Variants in L3MBTL4 observed in about 807,000 individuals in gnomAD.
The protein encoded by L3MBTL4 is L3MBTL histone methyl-lysine binding protein 4, also known as lethal(3)malignant brain tumor-like protein 4.
A neutral mutation model predicts 84.5 loss-of-function variants in L3MBTL4; 70 were observed. That is an observed-to-expected ratio of 0.83 (90% CI 0.68 to 1.01). The LOEUF (loss-of-function observed/expected upper bound fraction) is 1.01. Among genes scored for constraint, L3MBTL4 ranks in the 50% least tolerant of loss-of-function variants. The pLI is 0.00. For synonymous variants in L3MBTL4, 274 were observed against 259.8 expected (o/e 1.05, Z -0.52); for missense variants, 715 against 754.8 (o/e 0.95, Z 0.62).
At chr18:6,162,175 A>T (rs903099499) in intron 13 of L3MBTL4, among the ~76,000 whole-genome samples, 10 of 152,226 alleles carry the variant, frequency 6.6e-5, no homozygotes, top group African/African-American at 2.2e-4. Flanking sequence ...ACCTACTGTG[A>T]TATCTTTTGT....
At chr18:6,264,709 A>T (rs934537311) in intron 4 of L3MBTL4, among the ~76,000 whole-genome samples, 2 of 152,120 alleles carry the variant, frequency 1.3e-5, no homozygotes. Flanking sequence ...GCTTGAACCC[A>T]GGAGGTGGAG....
At chr18:6,410,323 C>T (rs912004587) in intron 1 of L3MBTL4, among the ~76,000 whole-genome samples, 6 of 152,244 alleles carry the variant, frequency 3.9e-5, no homozygotes, top group Non-Finnish European at 7.3e-5. Context: ...TACGCACTCA[C>T]GTGGGTCTTC....
chr18:6,004,942 A>C (rs2054393444), intron 16 of L3MBTL4, among the ~76,000 whole-genome samples: 1 of 150,610 alleles, frequency 6.6e-6, no homozygotes, highest in African/African-American at 2.4e-5. Context: ...TCTCACAACA[A>C]CAAAAATATT....
At chr18:6,110,167 C>T (rs1031174046) in intron 14 of L3MBTL4, among the ~76,000 whole-genome samples, 2 of 152,222 alleles carry the variant, frequency 1.3e-5, no homozygotes, top group African/African-American at 4.8e-5. Flanking sequence ...AACTCTAATG[C>T]CATTTACATC....
intron 16 of L3MBTL4, among the ~76,000 whole-genome samples, chr18:6,015,874 C>G (rs1328070919): frequency 2.0e-5 from 3 of 152,176 alleles, no homozygotes; most frequent in African/African-American, 7.2e-5. Context: ...GCAGGAGAAT[C>G]GCTTGAATCC....
chr18:6,351,334 G>A (rs998018626), intron 1 of L3MBTL4, among the ~76,000 whole-genome samples: 1 of 152,154 alleles, frequency 6.6e-6, no homozygotes, highest in African/African-American at 2.4e-5. Flanking sequence ...AAGACGGAAA[G>A]TAGAATGGTA....
At chr18:6,196,157 C>CT (rs71370547) in intron 12 of L3MBTL4, among the ~76,000 whole-genome samples, 2,706 of 130,190 alleles carry the variant, frequency 0.021, 51 homozygotes, top group Non-Finnish European at 0.03. Flanking sequence ...TAGAGTTCCT[C>CT]TTTTTTTTTT....
At position 6,032,949 on chromosome 18, in the gene L3MBTL4, G is replaced by A. The variant is rs144658953; in HGVS notation, c.1444+47932C>T. Among the ~76,000 whole-genome samples the A allele has an allele frequency of 2.7e-3, 404 of 152,258 alleles. 1 individual carries two copies. Among genetic ancestry groups the A allele is most frequent in the African/African-American group, 9.2e-3 (381 of 41,550 alleles). ...TGACTTAATTTGTGACCTAACCTAT[G>A]TTTTGTCCTGGAGAATGTTTCTTGT... On this transcript the variant is annotated intron_variant, in intron 16 of 18. Transcript: ENST00000317931.
intron 12 of L3MBTL4, among the ~76,000 whole-genome samples, chr18:6,185,979 AT>A (rs1158020401): frequency 2.0e-5 from 3 of 146,932 alleles, no homozygotes; most frequent in African/African-American, 8.0e-5. Flanking sequence ...ATTTTATTTT[AT>A]TTTATTTTAT....
chr18:5,984,385 G>A (rs1360104152), intron 16 of L3MBTL4, among the ~76,000 whole-genome samples: 1 of 152,160 alleles, frequency 6.6e-6, no homozygotes, highest in Non-Finnish European at 1.5e-5. Context: ...TAACACTATG[G>A]TGACAACTTT....
intron 1 of L3MBTL4, among the ~76,000 whole-genome samples, chr18:6,321,185 T>G (rs900333737): frequency 5.3e-5 from 8 of 152,060 alleles, no homozygotes; most frequent in African/African-American, 1.9e-4. Flanking sequence ...AATTTATGAC[T>G]ACGACCCCAA....
chr18:6,135,274 G>A (rs2059996890), intron 14 of L3MBTL4, among the ~76,000 whole-genome samples: 3 of 152,192 alleles, frequency 2.0e-5, no homozygotes, highest in Admixed American at 2.0e-4. Context: ...TGTGATGGGA[G>A]AGGGTGCCGT....
chr18:6,371,388 T>C (rs1050639033), intron 1 of L3MBTL4, among the ~76,000 whole-genome samples: 2 of 152,160 alleles, frequency 1.3e-5, no homozygotes, highest in African/African-American at 4.8e-5. Flanking sequence ...GCACCAGGGC[T>C]GGTTACTCTG....
At chr18:6,125,447 G>A (rs1172174985) in intron 14 of L3MBTL4, among the ~76,000 whole-genome samples, 3 of 151,894 alleles carry the variant, frequency 2.0e-5, no homozygotes, top group African/African-American at 7.3e-5. Context: ...TGTTCTTTTG[G>A]AAACAGGTTC....
At chr18:5,956,441 T>C (rs2095227401) in intron 18 of L3MBTL4, 54 bp from the exon 19 acceptor site, 1 of 1,544,574 alleles carries the variant, frequency 6.5e-7, no homozygotes, top group Non-Finnish European at 8.8e-7. Context: ...GAAGCCTGTT[T>C]ACTCACCAGT....
At position 6,234,613 on chromosome 18, in the gene L3MBTL4, T is replaced by G. The variant is rs955459583; in HGVS notation, c.784+3351A>C. Among the ~76,000 whole-genome samples, 2 of 152,164 alleles carry G rather than the reference T, an allele frequency of 1.3e-5. 1 individual carries two copies. Among genetic ancestry groups the G allele is most frequent in the Admixed American group, 1.3e-4 (2 of 15,272 alleles). On this transcript the variant is annotated intron_variant, in intron 10 of 18. Coordinates refer to ENST00000317931, the MANE Select transcript of L3MBTL4 (RefSeq NM_001330559.2). ...AGAGAAATGCAAATCAAAACCGCAATGAGATGCCATCTCATGCCAGTTAGA... is the reference window on the plus strand; with the variant it reads ...AGAGAAATGCAAATCAAAACCGCAAGGAGATGCCATCTCATGCCAGTTAGA...
chr18:6,265,977 CA>C (rs201969090), intron 4 of L3MBTL4, among the ~76,000 whole-genome samples: 1,894 of 152,088 alleles, frequency 0.012, 36 homozygotes, highest in African/African-American at 0.042. Flanking sequence ...ATTCTCATGA[CA>C]AAAAACATAA....
intron 16 of L3MBTL4, among the ~76,000 whole-genome samples, chr18:6,038,968 A>C (rs1358024150): frequency 6.6e-6 from 1 of 151,952 alleles, no homozygotes; most frequent in Non-Finnish European, 1.5e-5. Context: ...CCCTATAAGA[A>C]AAGACACCAG....
intron 4 of L3MBTL4, among the ~76,000 whole-genome samples, chr18:6,275,350 C>T (rs538542764): frequency 6.6e-6 from 1 of 152,226 alleles, no homozygotes; most frequent in African/African-American, 2.4e-5. Context: ...AGTAAAACAG[C>T]ATGAGGACTG....
Sources: gnomAD v4.1 joint callset for allele counts (sites outside exome capture counted in the v4.1 genomes callset) on GRCh38, gnomAD v4.1.1 for gene constraint, MANE v1.5 for transcripts, NCBI Gene and HGNC (gene_info 2026-07-23, HGNC 2026-07-21) for gene names.